NTRK3: variants seen among roughly 807,000 people sequenced by gnomAD.
NTRK3 encodes the protein NT-3 growth factor receptor.
Under a neutral mutation model 91.7 loss-of-function variants are expected in NTRK3, and 24 were observed. That is an observed-to-expected ratio of 0.26 (90% confidence interval 0.19 to 0.37). The LOEUF (loss-of-function observed/expected upper bound fraction) is 0.37, where lower values mean the gene tolerates loss of function less well. Among genes scored for constraint, NTRK3 ranks in the 10% least tolerant of loss-of-function variants. The pLI, the probability that NTRK3 is intolerant of heterozygous loss-of-function variation, is 1.00. For missense variants in NTRK3, 880 were observed against 1,068.9 expected, an observed-to-expected ratio of 0.82 and a Z score of 2.46; for synonymous variants, 483 against 404.0, an observed-to-expected ratio of 1.20 and a Z score of -2.34.
At chr15:87,976,644 A>G (rs769445313) in intron 14 of NTRK3, among the ~76,000 whole-genome samples, 1 of 152,198 alleles carries the variant, frequency 6.6e-6, no homozygotes, top group Non-Finnish European at 1.5e-5. Context: ...CCAGGGTCCA[A>G]GGGTGCACAG....
At chr15:88,138,279 G>A (rs1407861064) in intron 6 of NTRK3, among the ~76,000 whole-genome samples, 1 of 151,692 alleles carries the variant, frequency 6.6e-6, no homozygotes, top group Non-Finnish European at 1.5e-5. Flanking sequence ...GCGTGGTGGT[G>A]GGCACCTGCA....
chr15:88,040,456 CA>C lies in NTRK3; in HGVS notation c.1397-7412del, dbSNP rs1445978356. Among the ~76,000 whole-genome samples the C allele has an allele frequency of 5.9e-5, 9 of 152,140 alleles. No individual in the cohort carries two copies. In the South Asian group the frequency reaches 6.2e-4, roughly 11 times the overall value. ...AAGAGAGGGGGAAAGAGGTGGGTCA[CA>C]AAAAATGAAGGAGGAAAAAGGAGCG... On this transcript the variant is annotated intron_variant, in intron 13 of 18. Coordinates refer to ENST00000394480, the Ensembl canonical transcript of NTRK3.
At chr15:88,113,467 G>A (rs1179984844) in intron 13 of NTRK3, among the ~76,000 whole-genome samples, 1 of 151,708 alleles carries the variant, frequency 6.6e-6, no homozygotes, top group African/African-American at 2.4e-5. Context: ...AGGTGCACAC[G>A]ACCACGCCCG....
At chr15:88,078,572 C>T (rs1299287687) in intron 13 of NTRK3, among the ~76,000 whole-genome samples, 1 of 152,176 alleles carries the variant, frequency 6.6e-6, no homozygotes, top group African/African-American at 2.4e-5. Context: ...ATCACTTGAA[C>T]CCGGGAGGTG....
intron 13 of NTRK3, among the ~76,000 whole-genome samples, chr15:88,051,202 G>C (rs1419581408): frequency 6.6e-6 from 1 of 152,084 alleles, no homozygotes; most frequent in Non-Finnish European, 1.5e-5. Flanking sequence ...CATTTGCTTT[G>C]ATGCCGACAA....
intron 14 of NTRK3, among the ~76,000 whole-genome samples, 181 bp from the exon 15 acceptor site, chr15:87,940,934 G>A (rs899348578): frequency 6.6e-6 from 1 of 152,136 alleles, no homozygotes; most frequent in African/African-American, 2.4e-5. Flanking sequence ...TTGAGAGTAT[G>A]GGCCAGAATC....
chr15:88,044,694 T>G (rs1000385524), intron 13 of NTRK3, among the ~76,000 whole-genome samples: 4 of 151,956 alleles, frequency 2.6e-5, no homozygotes, highest in Non-Finnish European at 4.4e-5. Context: ...AGGCCTGAAT[T>G]TACAGTTAGC....
At chr15:87,909,919 C>T (rs1378478120) in intron 17 of NTRK3, among the ~76,000 whole-genome samples, 1 of 152,198 alleles carries the variant, frequency 6.6e-6, no homozygotes, top group Non-Finnish European at 1.5e-5. Flanking sequence ...CTTCCAGCCT[C>T]CAGAGCAGTG....
chr15:88,139,534 G>A (rs2042184386), intron 6 of NTRK3, among the ~76,000 whole-genome samples: 1 of 152,186 alleles, frequency 6.6e-6, no homozygotes, highest in Admixed American at 6.5e-5. Context: ...GACACCGGAG[G>A]CAGAATGTGC....
chr15:88,010,748 CCACACA>C (rs10623073), intron 14 of NTRK3, among the ~76,000 whole-genome samples: 3 of 149,074 alleles, frequency 2.0e-5, no homozygotes, highest in African/African-American at 7.4e-5. Flanking sequence ...ACACACACAC[CCACACA>C]CACACACACA....
intron 14 of NTRK3, among the ~76,000 whole-genome samples, chr15:87,971,678 G>A (rs950292273): frequency 1.3e-5 from 2 of 152,152 alleles, no homozygotes; most frequent in South Asian, 2.1e-4. Context: ...AAAACTAGAG[G>A]ACCCTCCATG....
intron 13 of NTRK3, among the ~76,000 whole-genome samples, chr15:88,082,736 G>A (rs994885159): frequency 6.6e-6 from 1 of 152,214 alleles, no homozygotes; most frequent in East Asian, 1.9e-4. Context: ...TAGGCTTGCA[G>A]AGTGTGTTCC....
At chr15:87,923,335 G>A (rs1418655215) in intron 17 of NTRK3, among the ~76,000 whole-genome samples, 1 of 152,144 alleles carries the variant, frequency 6.6e-6, no homozygotes, top group East Asian at 1.9e-4. Context: ...TTCAGGCCAG[G>A]TCTATTAACA....
rs751805844 is a variant in NTRK3, at chr15:88,136,053, A to G, written c.766-13T>C. 20 of 1,614,124 alleles carry G rather than the reference A, an allele frequency of 1.2e-5. No homozygotes were observed. The highest frequency in any genetic ancestry group is 1.6e-4 in the Middle Eastern group (1 of 6,084). On this transcript the variant is annotated splice_polypyrimidine_tract_variant and intron_variant, in intron 8 of 18. Transcript: ENST00000394480. ...AGTTCAGATTGGTCTGAAAACCCCA[A>G]TAAAAAGATAACAATCAGATAGCTT...
At chr15:88,084,350 A>G (rs2048318331) in intron 13 of NTRK3, among the ~76,000 whole-genome samples, 1 of 152,182 alleles carries the variant, frequency 6.6e-6, no homozygotes, top group Non-Finnish European at 1.5e-5. Flanking sequence ...AGGCTAGTTC[A>G]GGGTAAAATT....
chr15:87,978,707 T>C (rs985872654), intron 14 of NTRK3: 6 of 233,380 alleles, frequency 2.6e-5, no homozygotes, highest in Non-Finnish European at 5.1e-5. Flanking sequence ...CAAAAAAGGA[T>C]GATTTTTCCA....
At chr15:87,908,852 A>G (rs530683322) in intron 17 of NTRK3, among the ~76,000 whole-genome samples, 2 of 151,774 alleles carry the variant, frequency 1.3e-5, no homozygotes, top group Non-Finnish European at 2.9e-5. Flanking sequence ...CTCCCAGCAC[A>G]TGACACCCAG....
chr15:87,983,345 T>C (rs75979872), intron 14 of NTRK3, among the ~76,000 whole-genome samples: 4,546 of 152,252 alleles, frequency 0.03, 245 homozygotes, highest in African/African-American at 0.1. Flanking sequence ...TTTCCACAAC[T>C]TTCCCACCTT....
chr15:88,189,034 C>T (rs558852747), intron 3 of NTRK3, among the ~76,000 whole-genome samples: 20 of 152,288 alleles, frequency 1.3e-4, no homozygotes, highest in South Asian at 2.1e-4. Flanking sequence ...CTTTTCCAGA[C>T]GGAGGGAGAC....
Sources: gnomAD v4.1 joint callset for allele counts (sites outside exome capture counted in the v4.1 genomes callset) on GRCh38, gnomAD v4.1.1 for gene constraint, MANE v1.5 for transcripts, NCBI Gene and HGNC (gene_info 2026-07-23, HGNC 2026-07-21) for gene names.